PRKCE: variants seen among roughly 807,000 people sequenced by gnomAD.
PRKCE encodes protein kinase C epsilon type.
PRKCE carries 16 observed loss-of-function variants against 85.4 expected under a neutral mutation model. The observed-to-expected ratio is 0.19, with a 90% CI of 0.13 to 0.28. The LOEUF is 0.28. Among genes scored for constraint, PRKCE ranks in the 10% least tolerant of loss-of-function variants. The pLI, the probability that PRKCE is intolerant of heterozygous loss-of-function variation, is 1.00. For synonymous variants in PRKCE, 388 were observed against 371.5 expected, an observed-to-expected ratio of 1.04 and a Z score of -0.51; for missense variants, 573 against 975.2, an observed-to-expected ratio of 0.59 and a Z score of 5.49.
At position 46,073,236 on chromosome 2, in the gene PRKCE, G is replaced by A. The variant is rs531833873; in HGVS notation, c.1438-12972G>A. ...TTGTAGAACAAGGCAGCACGGGTCC[G>A]ATGTTGCACAGAGGATTGGAGTTAC... On this transcript the variant is annotated intron_variant, in intron 10 of 14. Transcript: ENST00000306156. 2.6e-5 allele frequency among the ~76,000 whole-genome samples: 4 copies of A among 152,316 alleles called. No individual in the cohort carries two copies. The South Asian group carries it at 6.2e-4, about 24-fold the overall frequency.
chr2:46,024,991 CTT>C (rs906200677), intron 10 of PRKCE, among the ~76,000 whole-genome samples: 10 of 152,202 alleles, frequency 6.6e-5, no homozygotes, highest in African/African-American at 2.2e-4. Context: ...TAGGAAGTAT[CTT>C]TTGATGTACA....
At position 46,068,441 on chromosome 2, in the gene PRKCE, A is replaced by C. The variant is rs1667807236; in HGVS notation, c.1438-17767A>C. Among the ~76,000 whole-genome samples, 1 of 152,228 alleles carries C rather than the reference A, an allele frequency of 6.6e-6. No homozygotes were observed. The highest frequency in any genetic ancestry group is 1.5e-5 in the Non-Finnish European group (1 of 68,040). ...AATATATTAATTGATATATCTAATT[A>C]ATCAGTCATTATTTATTGGTGTACC... On this transcript the variant is annotated intron_variant, in intron 10 of 14. Coordinates refer to ENST00000306156, the MANE Select transcript of PRKCE (RefSeq NM_005400.3). This position sits in a 1 kb window ranked among gnomAD's most constrained non-coding sequence, Gnocchi z 4.3.
chr2:45,919,802 G>T (rs2103923839), intron 2 of PRKCE, among the ~76,000 whole-genome samples: 1 of 152,358 alleles, frequency 6.6e-6, no homozygotes, highest in Middle Eastern at 3.4e-3. Flanking sequence ...CCCTTCTGCT[G>T]AGTGAAAGCA....
intron 6 of PRKCE, among the ~76,000 whole-genome samples, chr2:45,987,230 G>GC (rs1427715397): frequency 6.6e-6 from 1 of 151,972 alleles, no homozygotes; most frequent in Non-Finnish European, 1.5e-5. Flanking sequence ...AAATGCTCTT[G>GC]CCCCTGCTCA....
intron 2 of PRKCE, among the ~76,000 whole-genome samples, chr2:45,914,308 T>A (rs1318871904): frequency 6.6e-6 from 1 of 152,178 alleles, no homozygotes; most frequent in Non-Finnish European, 1.5e-5. Flanking sequence ...ATATGTCCAG[T>A]GACTGAATAT....
At chr2:45,879,979 C>A (rs945842767) in intron 2 of PRKCE, among the ~76,000 whole-genome samples, 1 of 152,122 alleles carries the variant, frequency 6.6e-6, no homozygotes, top group Admixed American at 6.5e-5. Context: ...TCTAACCTAG[C>A]TGTGATTTTG....
intron 1 of PRKCE, among the ~76,000 whole-genome samples, chr2:45,797,549 G>A (rs889557028): frequency 1.3e-5 from 2 of 152,182 alleles, no homozygotes; most frequent in Non-Finnish European, 2.9e-5. Context: ...GGCTGAGGCC[G>A]TTGTTCTCCT....
chr2:45,714,304 G>C (rs1367277628), intron 1 of PRKCE, among the ~76,000 whole-genome samples: 4 of 152,158 alleles, frequency 2.6e-5, no homozygotes, highest in Non-Finnish European at 5.9e-5. Flanking sequence ...GCCTTTTGGT[G>C]GCATGGTCAG....
At chr2:46,089,178 C>T (rs182514026) in intron 11 of PRKCE, among the ~76,000 whole-genome samples, 194 of 152,266 alleles carry the variant, frequency 1.3e-3, no homozygotes, top group African/African-American at 4.5e-3. Flanking sequence ...TTCCCCAGGG[C>T]CTTCCTCCCT....
chr2:46,173,687 C>T (rs1204469922), intron 14 of PRKCE, among the ~76,000 whole-genome samples: 1 of 152,170 alleles, frequency 6.6e-6, no homozygotes, highest in Non-Finnish European at 1.5e-5. Context: ...CATCATAACA[C>T]ATGTTAGAAG....
intron 11 of PRKCE, among the ~76,000 whole-genome samples, chr2:46,140,786 T>C (rs1173918493): frequency 6.6e-6 from 1 of 152,140 alleles, no homozygotes; most frequent in Non-Finnish European, 1.5e-5. Context: ...GTATGCCCTT[T>C]CATGCATGAA....
At chr2:46,180,891 C>T (rs889054889) in intron 14 of PRKCE, among the ~76,000 whole-genome samples, 1 of 152,228 alleles carries the variant, frequency 6.6e-6, no homozygotes, top group Non-Finnish European at 1.5e-5. Context: ...CTCTATTCAG[C>T]CTTCCCTAAG....
At chr2:45,799,127 C>T (rs540645136) in intron 1 of PRKCE, among the ~76,000 whole-genome samples, 7 of 150,258 alleles carry the variant, frequency 4.7e-5, no homozygotes, top group South Asian at 2.1e-4. Context: ...GATCGTGCCA[C>T]GGCACTCCAG....
At chr2:46,060,907 G>T (rs532093134) in intron 10 of PRKCE, among the ~76,000 whole-genome samples, 2 of 151,552 alleles carry the variant, frequency 1.3e-5, no homozygotes, top group African/African-American at 2.4e-5. Flanking sequence ...GACCGCAGGC[G>T]CACGCCACCA....
At chr2:45,715,244 C>T (rs1284734094) in intron 1 of PRKCE, among the ~76,000 whole-genome samples, 1 of 152,278 alleles carries the variant, frequency 6.6e-6, no homozygotes, top group Non-Finnish European at 1.5e-5. Context: ...CTGGTCCACA[C>T]AATGGCATCT....
At chr2:45,921,275 TG>T (rs1299386809) in intron 2 of PRKCE, among the ~76,000 whole-genome samples, 1 of 152,198 alleles carries the variant, frequency 6.6e-6, no homozygotes, top group Non-Finnish European at 1.5e-5. Flanking sequence ...CGTGTGGAGT[TG>T]GAACTGCCAG....
chr2:45,861,805 G>T (rs538991753), intron 2 of PRKCE, among the ~76,000 whole-genome samples: 1 of 152,300 alleles, frequency 6.6e-6, no homozygotes, highest in South Asian at 2.1e-4. Flanking sequence ...GTTTACAGCT[G>T]AAGGGCACTG....
chr2:46,097,514 C>A (rs1434475267), intron 11 of PRKCE, among the ~76,000 whole-genome samples: 1 of 92,720 alleles, frequency 1.1e-5, no homozygotes, highest in Non-Finnish European at 2.7e-5. Flanking sequence ...AGCGAGACTC[C>A]GTCTCAAAAA....
chr2:45,737,157 C>A (rs1406346750), intron 1 of PRKCE, among the ~76,000 whole-genome samples: 1 of 152,200 alleles, frequency 6.6e-6, no homozygotes, highest in Non-Finnish European at 1.5e-5. Context: ...GCTAGCCTTG[C>A]CAACTTGAGA....
Sources: allele counts gnomAD v4.1 joint callset (sites outside exome capture counted in the v4.1 genomes callset), GRCh38; gene constraint gnomAD v4.1.1; non-coding constraint Gnocchi (gnomAD v3.1); transcripts MANE v1.5; gene names NCBI Gene and HGNC (gene_info 2026-07-23, HGNC 2026-07-21).